Variants in DLGAP2 observed in about 807,000 individuals in gnomAD.
The protein encoded by DLGAP2 is DLG associated protein 2.
A neutral mutation model predicts 100.3 loss-of-function variants in DLGAP2; 26 were observed. That is an observed-to-expected ratio of 0.26 (90% CI 0.19 to 0.36). The LOEUF is 0.36. Ranked by LOEUF, DLGAP2 falls within the 10% of genes least tolerant of loss-of-function variation. DLGAP2 has a pLI of 1.00. For synonymous variants in DLGAP2, 886 were observed against 630.1 expected, an observed-to-expected ratio of 1.41 and a Z score of -6.08; for missense variants, 1,858 against 1,453.2, an observed-to-expected ratio of 1.28 and a Z score of -4.53.
At chr8:1,424,244 C>G (rs1018734508) in intron 3 of DLGAP2, among the ~76,000 whole-genome samples, 12 of 152,214 alleles carry the variant, frequency 7.9e-5, no homozygotes, top group Admixed American at 5.2e-4. Flanking sequence ...GTAAGAAAGT[C>G]ACAGCAAAAG....
At chr8:737,855 G>C (rs1328936713) in intron 1 of DLGAP2, 30 bp downstream of exon 1, 4 of 375,738 alleles carry the variant, frequency 1.1e-5, no homozygotes, top group Admixed American at 9.2e-5. Context: ...GCCGGGAGCC[G>C]GGCGCGGGGC....
chr8:1,596,849 G>A (rs894510670), intron 6 of DLGAP2, among the ~76,000 whole-genome samples: 8 of 151,970 alleles, frequency 5.3e-5, no homozygotes, highest in African/African-American at 1.9e-4. Context: ...CATTTGCTGT[G>A]CAGAAGTTAT....
intron 3 of DLGAP2, among the ~76,000 whole-genome samples, chr8:1,317,624 G>T (rs545747320): frequency 1.4e-5 from 2 of 144,002 alleles, no homozygotes; most frequent in African/African-American, 5.4e-5. Flanking sequence ...CTCTCCAACA[G>T]TGGTCTACAC....
At chr8:827,944 A>G (rs1412880644) in intron 1 of DLGAP2, among the ~76,000 whole-genome samples, 1 of 152,196 alleles carries the variant, frequency 6.6e-6, no homozygotes, top group Non-Finnish European at 1.5e-5. Context: ...GACATCACAC[A>G]TTGGTAGGAT....
intron 1 of DLGAP2, among the ~76,000 whole-genome samples, chr8:821,476 C>T (rs541188912): frequency 1.3e-5 from 2 of 152,258 alleles, no homozygotes; most frequent in African/African-American, 4.8e-5. Context: ...TAATTTCATG[C>T]ATTAGTATGC....
intron 3 of DLGAP2, among the ~76,000 whole-genome samples, chr8:1,335,512 G>A (rs778340822): frequency 1.3e-5 from 2 of 152,178 alleles, no homozygotes; most frequent in African/African-American, 2.4e-5. Context: ...TATCGGACAT[G>A]ATGGCCCAGA....
intron 1 of DLGAP2, among the ~76,000 whole-genome samples, chr8:833,805 C>G (rs1398897747): frequency 6.6e-6 from 1 of 152,154 alleles, no homozygotes; most frequent in Non-Finnish European, 1.5e-5. Context: ...TGAATTTAGA[C>G]AAAATTTCTG....
intron 3 of DLGAP2, among the ~76,000 whole-genome samples, chr8:1,487,666 A>G (rs1799264387): frequency 1.3e-5 from 2 of 152,092 alleles, no homozygotes; most frequent in South Asian, 2.1e-4. Flanking sequence ...TGGTGTAGGA[A>G]TCGTCTGTTC....
chr8:1,464,267 C>T (rs1325736200), intron 3 of DLGAP2, among the ~76,000 whole-genome samples: 17 of 103,428 alleles, frequency 1.6e-4, no homozygotes, highest in South Asian at 3.6e-4. Flanking sequence ...CCTTCCAGGA[C>T]GGCACCCTTC....
intron 8 of DLGAP2, among the ~76,000 whole-genome samples, chr8:1,645,225 A>G (rs1798013917): frequency 1.3e-5 from 2 of 152,270 alleles, no homozygotes; most frequent in Admixed American, 1.3e-4. Flanking sequence ...TAACCTTATA[A>G]TAGCGTGAAA....
chr8:1,122,923 G>T (rs1218976412), intron 2 of DLGAP2, among the ~76,000 whole-genome samples: 2 of 152,180 alleles, frequency 1.3e-5, no homozygotes, highest in African/African-American at 2.4e-5. Flanking sequence ...TGTGATACCA[G>T]CTCTTAAGAA....
intron 1 of DLGAP2, among the ~76,000 whole-genome samples, chr8:750,291 G>A (rs1458146315): frequency 6.6e-6 from 1 of 152,234 alleles, no homozygotes; most frequent in Non-Finnish European, 1.5e-5. Context: ...AGGTCAAGGC[G>A]ATTGTGCAGA....
chr8:926,516 A>C (rs1333289260), intron 2 of DLGAP2, among the ~76,000 whole-genome samples: 1 of 152,174 alleles, frequency 6.6e-6, no homozygotes, highest in East Asian at 1.9e-4. Flanking sequence ...GGAACCCTGA[A>C]AACAAGCAGA....
chr8:1,210,325 A>T (rs967197927), intron 2 of DLGAP2, among the ~76,000 whole-genome samples: 1 of 150,204 alleles, frequency 6.7e-6, no homozygotes, highest in African/African-American at 2.5e-5. Flanking sequence ...CTGGAAGGGC[A>T]TGTGTCCAGG....
chr8:1,374,032 G>C (rs1036586838), intron 3 of DLGAP2, among the ~76,000 whole-genome samples: 18 of 152,202 alleles, frequency 1.2e-4, no homozygotes, highest in African/African-American at 3.6e-4. Context: ...GGCGTTTGCA[G>C]AGGGCTGTGT....
At chr8:839,970 G>T (rs181362502) in intron 1 of DLGAP2, among the ~76,000 whole-genome samples, 1 of 112,396 alleles carries the variant, frequency 8.9e-6, no homozygotes, top group Non-Finnish European at 1.9e-5. Context: ...ACTCTGGATT[G>T]TGTGAGCGCG....
intron 1 of DLGAP2, among the ~76,000 whole-genome samples, chr8:805,454 T>G (rs1796250057): frequency 6.6e-6 from 1 of 152,136 alleles, no homozygotes; most frequent in Admixed American, 6.5e-5. Context: ...GACTCTTCAC[T>G]TATCTAAAGA....
intron 5 of DLGAP2, among the ~76,000 whole-genome samples, chr8:1,554,464 C>G (rs1240984015): frequency 6.6e-6 from 1 of 152,072 alleles, no homozygotes; most frequent in African/African-American, 2.4e-5. Flanking sequence ...TGCCACAGGC[C>G]CACCTCCACA....
chr8:1,309,935 A>G (rs760405701), intron 3 of DLGAP2, among the ~76,000 whole-genome samples: 1 of 152,116 alleles, frequency 6.6e-6, no homozygotes, highest in Non-Finnish European at 1.5e-5. Context: ...TCTTTACTAA[A>G]AACACAAAAA....
Sources: gnomAD v4.1 joint callset for allele counts (sites outside exome capture counted in the v4.1 genomes callset) on GRCh38, gnomAD v4.1.1 for gene constraint, MANE v1.5 for transcripts, NCBI Gene and HGNC (gene_info 2026-07-23, HGNC 2026-07-21) for gene names.